Variants in COL4A4 observed in about 807,000 individuals in gnomAD.
COL4A4 encodes collagen type IV alpha 4 chain.
COL4A4 carries 105 observed loss-of-function variants against 192.9 expected under a neutral mutation model. The observed-to-expected ratio is 0.54, with a 90% CI of 0.46 to 0.64. COL4A4 has a LOEUF of 0.64. Ranked by LOEUF, COL4A4 falls within the 30% of genes least tolerant of loss-of-function variation. The pLI, the probability that COL4A4 is intolerant of heterozygous loss-of-function variation, is 0.00. For missense variants in COL4A4, 1,967 were observed against 2,169.3 expected (o/e 0.91, Z 1.85); for synonymous variants, 762 against 769.9 (o/e 0.99, Z 0.17).
At chr2:227,161,836 T>C (rs1354155744) in intron 1 of COL4A4, among the ~76,000 whole-genome samples, 2 of 152,006 alleles carry the variant, frequency 1.3e-5, no homozygotes, top group Non-Finnish European at 2.9e-5. Flanking sequence ...AGGGAGTTCA[T>C]AGGCTATGCT....
At chr2:227,150,001 C>A (rs2063819764) in intron 1 of COL4A4, among the ~76,000 whole-genome samples, 1 of 152,214 alleles carries the variant, frequency 6.6e-6, no homozygotes, top group Non-Finnish European at 1.5e-5. Context: ...CATATAATCT[C>A]TATGACAATA....
intron 46 of COL4A4, 91 bp from the exon 47 acceptor site, chr2:227,008,395 C>G: frequency 7.0e-7 from 1 of 1,432,104 alleles, no homozygotes; most frequent in African/African-American, 1.4e-5. Flanking sequence ...TTTGCAGATA[C>G]GTGTTCTGAA....
chr2:227,065,020 G>A (rs1340541336), intron 25 of COL4A4, among the ~76,000 whole-genome samples: 1 of 152,206 alleles, frequency 6.6e-6, no homozygotes. Flanking sequence ...GTGCAGGTCA[G>A]TGGGTGCGCG....
intron 37 of COL4A4, among the ~76,000 whole-genome samples, chr2:227,041,860 A>AGAGAGAGAGAG (rs1559478521): frequency 2.2e-5 from 2 of 92,284 alleles, no homozygotes; most frequent in Non-Finnish European, 2.2e-5. Flanking sequence ...GAAAGAAAGA[A>AGAGAGAGAGAG]AGAAAGAAAG....
chr2:227,098,623 A>G, intron 19 of COL4A4, 71 bp downstream of exon 19: 1 of 1,151,696 alleles, frequency 8.7e-7, no homozygotes, highest in Admixed American at 1.7e-5. Context: ...CTACAGTTGA[A>G]AGCTACTGGT....
chr2:227,037,770 A>C (rs1321171460), intron 37 of COL4A4, among the ~76,000 whole-genome samples: 2 of 126,756 alleles, frequency 1.6e-5, no homozygotes, highest in Non-Finnish European at 3.3e-5. Flanking sequence ...CTTTTTAATG[A>C]TCTCCATTCT....
the COL4A4 span, among the ~76,000 whole-genome samples, chr2:226,975,817 A>G: frequency 6.6e-6 from 1 of 152,182 alleles, no homozygotes; most frequent in African/African-American, 2.4e-5. Context: ...TTGAAAAGAG[A>G]TAATACACAA....
At chr2:226,971,322 C>G in the COL4A4 span, among the ~76,000 whole-genome samples, 1 of 152,196 alleles carries the variant, frequency 6.6e-6, no homozygotes, top group African/African-American at 2.4e-5. Flanking sequence ...AAGTGAAGTA[C>G]AAGTAAGTGG....
In COL4A4 at chr2:227,010,446, G is replaced by A. The variant is rs757955398; in HGVS notation, c.4389C>T (p.Leu1463=). ...TGTGGAGAACCAGGAGGAAGCCACC[G>A]AGGTATCCAGGGCCAAACCCTTTGG... The part of the protein sequence containing the change: ...PGPKGFGPGY[L]GGFLLVLHSQ... Residue 1463 remains leucine (L), a synonymous_variant, in exon 46 of 48, where the codon CTC becomes CTT. Coordinates refer to ENST00000396625, the MANE Select transcript of COL4A4 (RefSeq NM_000092.5). 5.6e-6 allele frequency: 9 copies of A among 1,613,358 alleles called. No individual in the cohort carries two copies. The highest frequency in any genetic ancestry group is 5.0e-5 in the Admixed American group (3 of 59,948).
At chr2:227,041,922 GA>G (rs1184922593) in intron 37 of COL4A4, among the ~76,000 whole-genome samples, 14 of 149,778 alleles carry the variant, frequency 9.3e-5, no homozygotes. Context: ...AAGAAAGAAA[GA>G]AAATGGTAGC....
chr2:227,086,975 C>T (rs1461174528), intron 22 of COL4A4, among the ~76,000 whole-genome samples: 1 of 152,156 alleles, frequency 6.6e-6, no homozygotes, highest in Admixed American at 6.5e-5. Context: ...TTAAGGCCCT[C>T]GGGTTGGAAC....
chr2:226,982,010 C>T, the COL4A4 span, among the ~76,000 whole-genome samples: 1 of 152,244 alleles, frequency 6.6e-6, no homozygotes, highest in South Asian at 2.1e-4. Flanking sequence ...GCTGCTGCCT[C>T]TCAAAATTCA....
intron 1 of COL4A4, among the ~76,000 whole-genome samples, chr2:227,153,657 G>A (rs1235523744): frequency 1.3e-5 from 2 of 152,146 alleles, no homozygotes; most frequent in Non-Finnish European, 2.9e-5. Context: ...AGACAGGAGA[G>A]AAAGAGAGAG....
intron 31 of COL4A4, 110 bp from the exon 32 acceptor site, chr2:227,052,522 C>T (rs1185337234): frequency 2.7e-6 from 2 of 733,992 alleles, no homozygotes; most frequent in East Asian, 5.2e-5. Flanking sequence ...ACCTACGAAG[C>T]TCTATTTATG....
At chr2:227,041,330 A>G (rs907732030) in intron 37 of COL4A4, among the ~76,000 whole-genome samples, 1 of 152,184 alleles carries the variant, frequency 6.6e-6, no homozygotes, top group South Asian at 2.1e-4. Flanking sequence ...GAACATCATA[A>G]AAATCATTTG....
chr2:227,051,958 G>C (rs534517256), intron 32 of COL4A4, among the ~76,000 whole-genome samples: 1 of 152,272 alleles, frequency 6.6e-6, no homozygotes, highest in East Asian at 1.9e-4. Flanking sequence ...GGGAGGCCGA[G>C]GCGGGTGGAT....
At chr2:227,129,514 T>G (rs2062295126) in intron 4 of COL4A4, among the ~76,000 whole-genome samples, 1 of 151,324 alleles carries the variant, frequency 6.6e-6, no homozygotes, top group Non-Finnish European at 1.5e-5. Context: ...GTTCAAGCAA[T>G]TCTCCTGCCT....
chr2:227,108,706 T>A (rs999049000), intron 11 of COL4A4, 84 bp from the exon 12 acceptor site: 4 of 1,530,078 alleles, frequency 2.6e-6, no homozygotes, highest in Non-Finnish European at 3.6e-6. Flanking sequence ...GGCTACACAA[T>A]ATATTGCAGT....
chr2:226,969,611 C>T, the COL4A4 span, among the ~76,000 whole-genome samples: 1 of 152,090 alleles, frequency 6.6e-6, no homozygotes. Context: ...AAACGTGAGT[C>T]CCGTTTGACA....
Sources: gnomAD v4.1 joint callset for allele counts (sites outside exome capture counted in the v4.1 genomes callset) on GRCh38, gnomAD v4.1.1 for gene constraint, MANE v1.5 for transcripts, NCBI Gene and HGNC (gene_info 2026-07-23, HGNC 2026-07-21) for gene names.